KCNIP4: variants seen among roughly 807,000 people sequenced by gnomAD.
KCNIP4 encodes Kv channel-interacting protein 4.
Under a neutral mutation model 34.0 loss-of-function variants are expected in KCNIP4, and 12 were observed. That is an observed-to-expected ratio of 0.35 (90% CI 0.23 to 0.57). The LOEUF (loss-of-function observed/expected upper bound fraction) is 0.57, where lower values mean the gene tolerates loss of function less well. Ranked by LOEUF, KCNIP4 falls within the 20% of genes least tolerant of loss-of-function variation. The pLI is 0.83. For missense variants in KCNIP4, 238 were observed against 311.7 expected, an observed-to-expected ratio of 0.76 and a Z score of 1.78; for synonymous variants, 124 against 102.2, an observed-to-expected ratio of 1.21 and a Z score of -1.29.
At chr4:20,966,172 C>A (rs1577450987) in intron 1 of KCNIP4, among the ~76,000 whole-genome samples, 2 of 152,142 alleles carry the variant, frequency 1.3e-5, no homozygotes, top group East Asian at 3.9e-4. Flanking sequence ...CCTCAGTCTT[C>A]TAATTATTTT....
At chr4:21,097,093 C>T (rs547773143) in intron 1 of KCNIP4, among the ~76,000 whole-genome samples, 3 of 152,212 alleles carry the variant, frequency 2.0e-5, no homozygotes, top group Admixed American at 2.0e-4. Flanking sequence ...CCATTTCTAG[C>T]TATCTTCCCC....
intron 1 of KCNIP4, among the ~76,000 whole-genome samples, chr4:20,973,506 G>T (rs1012929186): frequency 2.6e-5 from 4 of 152,138 alleles, no homozygotes; most frequent in African/African-American, 9.7e-5. Flanking sequence ...AGGCTGTTTT[G>T]CTTTCTCATT....
intron 1 of KCNIP4, among the ~76,000 whole-genome samples, chr4:21,877,679 T>G (rs529050087): frequency 6.6e-6 from 1 of 152,338 alleles, no homozygotes; most frequent in Non-Finnish European, 1.5e-5. Flanking sequence ...CTGCATATTC[T>G]GACCTGAAGA....
At chr4:21,838,902 A>G (rs1016138023) in intron 1 of KCNIP4, among the ~76,000 whole-genome samples, 9 of 152,234 alleles carry the variant, frequency 5.9e-5, no homozygotes, top group Non-Finnish European at 1.2e-4. Flanking sequence ...TACTCATAAT[A>G]GCCACATGAT....
At chr4:21,097,824 G>A (rs903327949) in intron 1 of KCNIP4, among the ~76,000 whole-genome samples, 57 of 152,048 alleles carry the variant, frequency 3.7e-4, no homozygotes, top group Admixed American at 8.5e-4. Context: ...AGAACCACCC[G>A]TCTTTTAGTT....
At chr4:21,724,528 T>C (rs1715053077) in intron 1 of KCNIP4, among the ~76,000 whole-genome samples, 2 of 151,916 alleles carry the variant, frequency 1.3e-5, no homozygotes, top group South Asian at 4.2e-4. Context: ...AATTCATCAC[T>C]TTGTGGAGCA....
At chr4:21,138,051 T>C (rs1024937094) in intron 1 of KCNIP4, among the ~76,000 whole-genome samples, 6 of 152,034 alleles carry the variant, frequency 3.9e-5, no homozygotes, top group Non-Finnish European at 8.8e-5. Context: ...TTTGTATTTT[T>C]AGTAGAGACA....
intron 1 of KCNIP4, among the ~76,000 whole-genome samples, chr4:21,565,833 G>A (rs565799784): frequency 3.3e-5 from 5 of 152,210 alleles, no homozygotes; most frequent in South Asian, 4.2e-4. Flanking sequence ...AATATAAAAT[G>A]GGATTAGACC....
At chr4:21,440,511 T>C (rs558586059) in intron 1 of KCNIP4, among the ~76,000 whole-genome samples, 49 of 152,360 alleles carry the variant, frequency 3.2e-4, no homozygotes, top group African/African-American at 1.2e-3. Context: ...CCTGCAGTGA[T>C]TGCTTTGTTA....
At chr4:21,456,127 C>T (rs1728936276) in intron 1 of KCNIP4, among the ~76,000 whole-genome samples, 1 of 146,796 alleles carries the variant, frequency 6.8e-6, no homozygotes, top group African/African-American at 2.7e-5. Context: ...TATGTCTTCT[C>T]TGGGCAAAGC....
rs970110847 is a variant in KCNIP4 at position 21,521,472 on chromosome 4, G to T, written c.61+427099C>A. Among the ~76,000 whole-genome samples, 5 of 152,122 alleles carry T rather than the reference G, an allele frequency of 3.3e-5. No homozygotes were observed. In the South Asian group the frequency reaches 1.0e-3, roughly 32 times the overall value. ...ATCTCTCTACTTGGAGGCTTCACAAGAATATCAAAAATAACATATCTAAAA... is the reference window on the plus strand; with the variant it reads ...ATCTCTCTACTTGGAGGCTTCACAATAATATCAAAAATAACATATCTAAAA... On this transcript the variant is annotated intron_variant, in intron 1 of 8. Transcript: ENST00000382152.
intron 1 of KCNIP4, among the ~76,000 whole-genome samples, chr4:21,215,265 T>A (rs1757475821): frequency 6.6e-6 from 1 of 152,200 alleles, no homozygotes; most frequent in South Asian, 2.1e-4. Context: ...GCTGTCCTTT[T>A]TTTTTCAATT....
At chr4:21,593,000 A>G (rs1416960619) in intron 1 of KCNIP4, among the ~76,000 whole-genome samples, 1 of 152,100 alleles carries the variant, frequency 6.6e-6, no homozygotes, top group Admixed American at 6.6e-5. Context: ...TTGCAATATT[A>G]CAATTTGCCA....
intron 2 of KCNIP4, among the ~76,000 whole-genome samples, chr4:20,857,809 T>C (rs954766980): frequency 1.3e-5 from 2 of 152,172 alleles, no homozygotes; most frequent in African/African-American, 4.8e-5. Context: ...CTCCTTAATC[T>C]ACTGCAGTCT....
chr4:20,901,143 GTGAGTGCTTTACAAA>G (rs1389183961), intron 1 of KCNIP4, among the ~76,000 whole-genome samples: 3 of 152,180 alleles, frequency 2.0e-5, no homozygotes, highest in Non-Finnish European at 1.5e-5. Flanking sequence ...TGTTTTCTTT[GTGAGTGCTTTACAAA>G]GCACTATCCA....
intron 1 of KCNIP4, among the ~76,000 whole-genome samples, chr4:21,350,688 A>C (rs1030049263): frequency 6.6e-6 from 1 of 152,188 alleles, no homozygotes; most frequent in African/African-American, 2.4e-5. Flanking sequence ...TGAAGTGCTA[A>C]GATGAGGATT....
At chr4:21,821,269 A>G (rs1430131712) in intron 1 of KCNIP4, among the ~76,000 whole-genome samples, 1 of 152,134 alleles carries the variant, frequency 6.6e-6, no homozygotes, top group Admixed American at 6.6e-5. Context: ...CAAAAAGTGG[A>G]GACACCTTTC....
Position 21,324,133 on chromosome 4 carries a change from A to G in KCNIP4, c.62-441424T>C, listed in dbSNP as rs548610248. ...CCTATGGAGTTGTTTTGAGTTCCTTATATATTCTGGTTATTAATCCTTTGT... is the reference window on the plus strand; with the variant it reads ...CCTATGGAGTTGTTTTGAGTTCCTTGTATATTCTGGTTATTAATCCTTTGT... On this transcript the variant is annotated intron_variant, in intron 1 of 8. Transcript: ENST00000382152. 5.3e-5 allele frequency among the ~76,000 whole-genome samples: 8 copies of G among 151,946 alleles called. No homozygotes were observed. The South Asian group carries it at 1.5e-3, about 28-fold the overall frequency.
intron 1 of KCNIP4, among the ~76,000 whole-genome samples, chr4:21,068,825 A>G (rs1351623519): frequency 6.6e-6 from 1 of 152,180 alleles, no homozygotes; most frequent in African/African-American, 2.4e-5. Flanking sequence ...AGTAATCTTA[A>G]TAATTTTATT....
Sources: allele counts gnomAD v4.1 joint callset (sites outside exome capture counted in the v4.1 genomes callset), GRCh38; gene constraint gnomAD v4.1.1; transcripts MANE v1.5; gene names NCBI Gene and HGNC (gene_info 2026-07-23, HGNC 2026-07-21).